The following GOLGA3 variants were observed in gnomAD, a reference collection of about 807,000 sequenced individuals.
GOLGA3 encodes golgin A3.
In GOLGA3, 75 loss-of-function variants were observed where a neutral mutation model predicts 169.4. That is an observed-to-expected ratio of 0.44 (90% CI 0.37 to 0.54). GOLGA3 has a LOEUF of 0.54. GOLGA3 is among the 20% of genes least tolerant of loss of function. GOLGA3 has a pLI of 0.00. For synonymous variants in GOLGA3, 824 were observed against 822.4 expected, an observed-to-expected ratio of 1.00 and a Z score of -0.03; for missense variants, 1,899 against 1,930.0, an observed-to-expected ratio of 0.98 and a Z score of 0.30.
At chr12:132,800,880 G>C (rs1430601180) in intron 8 of GOLGA3, among the ~76,000 whole-genome samples, 1 of 152,092 alleles carries the variant, frequency 6.6e-6, no homozygotes, top group Non-Finnish European at 1.5e-5. Context: ...AATAGCTTGA[G>C]TCTGAGAGGT....
chr12:132,816,934 C>A, intron 2 of GOLGA3, 122 bp from the exon 3 acceptor site: 1 of 917,396 alleles, frequency 1.1e-6, no homozygotes, highest in Non-Finnish European at 1.6e-6. Context: ...ACTTTCTCAT[C>A]CCACAAAGGC....
Position 132,787,794 on chromosome 12 carries a change from ACGGGACCCCTCCCCGGAGACCC to A in GOLGA3, c.2812-1029_2812-1008del, listed in dbSNP as rs1180887762. Among the ~76,000 whole-genome samples, 66 of 8,368 alleles carry A rather than the reference ACGGGACCCCTCCCCGGAGACCC, an allele frequency of 7.9e-3. 3 individuals carry two copies. Among genetic ancestry groups the A allele is most frequent in the African/African-American group, 0.023 (64 of 2,756 alleles). 5.5% of individuals were successfully genotyped at this position (8,368 alleles called of 152,430 possible). On this transcript the variant is annotated intron_variant, in intron 13 of 23. Coordinates refer to ENST00000450791, the MANE Select transcript of GOLGA3 (RefSeq NM_001389683.1). Reference sequence around the variant, plus strand: ...ACCACGGGACCCCTCCCCGGAGACCACGGGACCCCTCCCCGGAGACCCCGGGACCCCTCCCCGGAGACCCCGG... The same window carrying A: ...ACCACGGGACCCCTCCCCGGAGACCACGGGACCCCTCCCCGGAGACCCCGG...
At chr12:132,794,660 A>G (rs2136451093) in intron 11 of GOLGA3, among the ~76,000 whole-genome samples, 1 of 152,388 alleles carries the variant, frequency 6.6e-6, no homozygotes, top group Non-Finnish European at 1.5e-5. Context: ...GCAGTCTTCC[A>G]GGTATCAGCT....
chr12:132,794,100 C>G (rs928404311), intron 11 of GOLGA3, among the ~76,000 whole-genome samples: 4 of 152,142 alleles, frequency 2.6e-5, no homozygotes, highest in African/African-American at 9.7e-5. Flanking sequence ...CGTCACCTGC[C>G]CCTGGTCCCA....
rs767812120 is a variant in GOLGA3 at position 132,782,467 on chromosome 12, C to G, written c.3294G>C (p.Lys1098Asn). ...DELQESRGFR[K>N]KIKRLEESNK... The stretch of plus-strand genomic sequence containing the variant: ...TTGACTCCTCAAGGCGTTTTATCTT[C>G]TTCCTAAAGCCTCTGGATTCTTGAA... Residue 1098 changes from lysine to asparagine, a missense_variant, in exon 17 of 24, where the codon AAG becomes AAC. Coordinates refer to ENST00000450791, the MANE Select transcript of GOLGA3 (RefSeq NM_001389683.1). The G allele has an allele frequency of 6.2e-7, 1 of 1,613,876 alleles. No individual in the cohort carries two copies. The highest frequency in any genetic ancestry group is 1.3e-5 in the African/African-American group (1 of 74,924).
intron 18 of GOLGA3, 80 bp downstream of exon 18, chr12:132,780,718 G>C: frequency 4.7e-6 from 4 of 855,906 alleles, no homozygotes; most frequent in Admixed American, 1.8e-5. Flanking sequence ...AAGGAGGCTG[G>C]TGTGTGAAGG....
chr12:132,799,614 G>A (rs895065987), intron 8 of GOLGA3, among the ~76,000 whole-genome samples: 6 of 152,236 alleles, frequency 3.9e-5, no homozygotes, highest in African/African-American at 1.4e-4. Context: ...AATTCCAGCA[G>A]CCTGGGTGAC....
At chr12:132,791,508 A>C (rs561177568) in intron 11 of GOLGA3, among the ~76,000 whole-genome samples, 1 of 151,930 alleles carries the variant, frequency 6.6e-6, no homozygotes, top group South Asian at 2.1e-4. Flanking sequence ...AGAAGGGGCC[A>C]CATCTGCAGC....
At chr12:132,813,653 G>A (rs1005454125) in intron 3 of GOLGA3, among the ~76,000 whole-genome samples, 7 of 151,630 alleles carry the variant, frequency 4.6e-5, no homozygotes, top group African/African-American at 1.7e-4. Context: ...CACTGGGTCT[G>A]TGATCCCATG....
At chr12:132,780,652 T>A (rs1279968749) in intron 18 of GOLGA3, 146 bp downstream of exon 18, 8 of 670,598 alleles carry the variant, frequency 1.2e-5, no homozygotes, top group East Asian at 2.5e-5. Context: ...GAGCAGGTGC[T>A]CTGCGGCCTC....
At position 132,795,964 on chromosome 12, in the gene GOLGA3, T is replaced by G; in HGVS notation, c.2357A>C (p.Lys786Thr). 1 of 1,613,932 alleles carries G rather than the reference T, an allele frequency of 6.2e-7. No individual in the cohort carries two copies. Among genetic ancestry groups the G allele is most frequent in the East Asian group, 2.2e-5 (1 of 44,898 alleles). ...IILEAALQAAKSGKEELDRGA... is the reference protein window; with the variant it reads ...IILEAALQAATSGKEELDRGA... ...TCTGTCAAGCTCCTCCTTGCCACTC[T>G]TGGCCGCCTGCAAAGCCGCCTCCAA... Residue 786 changes from lysine (K) to threonine (T), a missense_variant, in exon 11 of 24, where the codon AAG (lysine) becomes ACG (threonine). By Grantham distance (78) the Lys-to-Thr change is moderately conservative (BLOSUM62 -1). Transcript: ENST00000450791.
chr12:132,798,418 C>T lies in GOLGA3; in HGVS notation c.1860G>A (p.Leu620=), dbSNP rs1288401241. The T allele has an allele frequency of 6.2e-7, 1 of 1,613,646 alleles. No individual in the cohort carries two copies. The highest frequency in any genetic ancestry group is 8.5e-7 in the Non-Finnish European group (1 of 1,179,764). The change falls in exon 9 of 24, where the codon CTG becomes CTA. Residue 620 remains leucine, a synonymous_variant. Transcript: ENST00000450791. ...GCTGAGTTTCCGTCAGCTGCTGGGA[C>T]AGGGACACATTCTCGAGTTTCAGGT... ...LEHLKLENVS[L]SQQLTETQHR...
intron 4 of GOLGA3, 46 bp from the exon 5 acceptor site, chr12:132,808,595 G>A (rs747502770): frequency 4.0e-5 from 59 of 1,467,942 alleles, no homozygotes; most frequent in Admixed American, 6.2e-5. Flanking sequence ...AAATCCACAA[G>A]CAGCATACTT....
At chr12:132,802,854 G>A (rs1388234453) in intron 7 of GOLGA3, among the ~76,000 whole-genome samples, 5 of 151,970 alleles carry the variant, frequency 3.3e-5, no homozygotes, top group South Asian at 2.1e-4. Flanking sequence ...TTGGGAGTTC[G>A]AGACCAGCCT....
In GOLGA3 at chr12:132,786,442, C is replaced by T; in HGVS notation, c.3020G>A (p.Ser1007Asn). 6.2e-7 allele frequency: 1 copy of T among 1,613,590 alleles called. No homozygotes were observed. The highest frequency in any genetic ancestry group is 8.5e-7 in the Non-Finnish European group (1 of 1,179,866). ...KAYENAVGIL[S>N]RRLQEALAAK... The stretch of plus-strand genomic sequence containing the variant: ...CGCGAGGGCCTCCTGCAGGCGGCGG[C>T]TGAGGATGCCCACGGCGTTCTCGTA... Residue 1007 changes from serine (S) to asparagine (N), a missense_variant, in exon 15 of 24, where the codon AGC becomes AAC. Coordinates refer to ENST00000450791, the MANE Select transcript of GOLGA3 (RefSeq NM_001389683.1).
At chr12:132,826,510 C>T (rs975608081) in intron 1 of GOLGA3, among the ~76,000 whole-genome samples, 7 of 151,874 alleles carry the variant, frequency 4.6e-5, no homozygotes, top group African/African-American at 1.2e-4. Flanking sequence ...GACAGCCAAC[C>T]GCACCGAGCT....
chr12:132,777,817 G>GAAGC lies in GOLGA3; in HGVS notation c.3583-16_3583-13dup. Reference sequence around the variant, plus strand: ...TTGGCAGCAGCCACCTAGGAGGAAGGAAGCCACGTTGTCCATGCCCTGCGT... The same window carrying GAAGC: ...TTGGCAGCAGCCACCTAGGAGGAAGGAAGCAAGCCACGTTGTCCATGCCCTGCGT... On this transcript the variant is annotated splice_polypyrimidine_tract_variant and intron_variant, in intron 18 of 23. Transcript: ENST00000450791. The surrounding 1 kb of genome is among the most constrained non-coding windows in gnomAD (Gnocchi z 4.7). 1 of 1,613,066 alleles carries GAAGC rather than the reference G, an allele frequency of 6.2e-7. No homozygotes were observed. The highest frequency in any genetic ancestry group is 8.5e-7 in the Non-Finnish European group (1 of 1,179,666).
chr12:132,790,895 C>G (rs1008184589), intron 12 of GOLGA3, among the ~76,000 whole-genome samples: 5 of 150,948 alleles, frequency 3.3e-5, no homozygotes, highest in African/African-American at 1.2e-4. Context: ...ATACAAAAAA[C>G]AAAAAATTAG....
chr12:132,802,578 C>A (rs1417332524), intron 7 of GOLGA3, among the ~76,000 whole-genome samples: 1 of 148,772 alleles, frequency 6.7e-6, no homozygotes, highest in South Asian at 2.1e-4. Context: ...TGAGCCACAA[C>A]TGCACTGCTG....
Sources: gnomAD v4.1 joint callset for allele counts (sites outside exome capture counted in the v4.1 genomes callset) on GRCh38, gnomAD v4.1.1 for gene constraint, Gnocchi (gnomAD v3.1) non-coding constraint, MANE v1.5 for transcripts, NCBI Gene and HGNC (gene_info 2026-07-23, HGNC 2026-07-21) for gene names.